The following NEO1 variants were observed in gnomAD, a reference collection of about 807,000 sequenced individuals.
NEO1 encodes the protein neogenin.
A neutral mutation model predicts 159.7 loss-of-function variants in NEO1; 63 were observed. The ratio of observed to expected loss-of-function variants is 0.39; its 90% CI spans 0.32 to 0.49. The LOEUF is 0.49. Ranked by LOEUF, NEO1 falls within the 20% of genes least tolerant of loss-of-function variation. The pLI, the probability that NEO1 is intolerant of heterozygous loss-of-function variation, is 0.85. For synonymous variants in NEO1, 633 were observed against 662.0 expected (o/e 0.96, Z 0.67); for missense variants, 1,615 against 1,831.0 (o/e 0.88, Z 2.15).
intron 9 of NEO1, among the ~76,000 whole-genome samples, chr15:73,248,621 G>C (rs2039920080): frequency 6.6e-6 from 1 of 152,152 alleles, no homozygotes; most frequent in South Asian, 2.1e-4. Flanking sequence ...TTCTGTTTTT[G>C]TTATAACCGT....
At chr15:73,160,424 T>TG (rs2034090531) in intron 5 of NEO1, among the ~76,000 whole-genome samples, 1 of 152,196 alleles carries the variant, frequency 6.6e-6, no homozygotes, top group South Asian at 2.1e-4. Flanking sequence ...TGTATATTCT[T>TG]GCCTCCTCAC....
At chr15:73,112,865 CAT>C (rs1211054027) in intron 1 of NEO1, among the ~76,000 whole-genome samples, 3 of 152,240 alleles carry the variant, frequency 2.0e-5, no homozygotes, top group East Asian at 3.9e-4. Flanking sequence ...TACATAGAAA[CAT>C]GTGCTTTTAC....
intron 5 of NEO1, among the ~76,000 whole-genome samples, chr15:73,168,375 G>A (rs966371515): frequency 3.9e-5 from 2 of 51,892 alleles, no homozygotes; most frequent in African/African-American, 1.3e-4. Flanking sequence ...GTAGAGACGG[G>A]GGGTGGGGGG....
chr15:73,061,400 A>T (rs1262503686), intron 1 of NEO1, among the ~76,000 whole-genome samples: 1 of 152,024 alleles, frequency 6.6e-6, no homozygotes, highest in African/African-American at 2.4e-5. Flanking sequence ...TGTCTGGGAG[A>T]TAGATCTTCC....
chr15:73,149,677 T>C (rs2033218378), intron 5 of NEO1, among the ~76,000 whole-genome samples: 1 of 152,234 alleles, frequency 6.6e-6, no homozygotes, highest in Non-Finnish European at 1.5e-5. Context: ...ACATTATGAA[T>C]TAGAAATGAT....
At chr15:73,109,986 GA>G (rs1396884445) in intron 1 of NEO1, among the ~76,000 whole-genome samples, 1 of 152,106 alleles carries the variant, frequency 6.6e-6, no homozygotes, top group Non-Finnish European at 1.5e-5. Flanking sequence ...AAGCAGGGTG[GA>G]AAATGTTTGT....
chr15:73,146,820 C>T (rs1045736850), intron 5 of NEO1, among the ~76,000 whole-genome samples: 2 of 152,088 alleles, frequency 1.3e-5, no homozygotes, highest in African/African-American at 4.8e-5. Context: ...ATAGAAGAGC[C>T]GTTCAAAGAC....
Position 73,270,057 on chromosome 15 carries a change from G to T in NEO1, c.2542G>T (p.Val848Leu). 6.2e-7 allele frequency: 1 copy of T among 1,614,064 alleles called. No individual in the cohort carries two copies. The highest frequency in any genetic ancestry group is 8.5e-7 in the Non-Finnish European group (1 of 1,180,034). The change falls in exon 17 of 29, where the codon GTG (valine) becomes TTG (leucine). Residue 848 changes from valine to leucine, a missense_variant. Transcript: ENST00000261908. Reference sequence around the variant, plus strand: ...TGTTATTAATGCTCCATACACTCCAGTGCCAGATCCCACTCCCATGATGCC... The same window carrying T: ...TGTTATTAATGCTCCATACACTCCATTGCCAGATCCCACTCCCATGATGCC... ...LFVINAPYTP[V>L]PDPTPMMPPV...
rs558579827 is a variant in NEO1, at chr15:73,279,935, T to C, written c.3262+1736T>C. Among the ~76,000 whole-genome samples, 28 of 152,250 alleles carry C rather than the reference T, an allele frequency of 1.8e-4. No individual in the cohort carries two copies. In the South Asian group the frequency reaches 5.6e-3, roughly 30 times the overall value. The stretch of plus-strand genomic sequence containing the variant: ...ATAGAGATTGAGTTGAAAATGCAGG[T>C]TGGAATCAGCCTGTCAAAAACTCAA... On this transcript the variant is annotated intron_variant, in intron 22 of 28. Coordinates refer to ENST00000261908, the MANE Select transcript of NEO1 (RefSeq NM_002499.4).
At chr15:73,190,533 T>G (rs1357597247) in intron 7 of NEO1, among the ~76,000 whole-genome samples, 1 of 152,128 alleles carries the variant, frequency 6.6e-6, no homozygotes, top group Non-Finnish European at 1.5e-5. Flanking sequence ...AAATAGTATC[T>G]GAGGTTAGCA....
At chr15:73,066,489 G>A (rs1466888511) in intron 1 of NEO1, among the ~76,000 whole-genome samples, 1 of 151,910 alleles carries the variant, frequency 6.6e-6, no homozygotes, top group Non-Finnish European at 1.5e-5. Context: ...GTTCTTAGTT[G>A]TGATTGAATG....
intron 1 of NEO1, among the ~76,000 whole-genome samples, chr15:73,112,918 A>C (rs1243522808): frequency 6.6e-6 from 1 of 152,094 alleles, no homozygotes; most frequent in African/African-American, 2.4e-5. Flanking sequence ...TTTTTTTCCC[A>C]TATGGATAAC....
chr15:73,197,487 T>C (rs1260452732), intron 7 of NEO1, among the ~76,000 whole-genome samples: 1 of 152,168 alleles, frequency 6.6e-6, no homozygotes, highest in Admixed American at 6.5e-5. Context: ...ACCTTCCTGG[T>C]CAATTACTCC....
At position 73,116,782 on chromosome 15, in the gene NEO1, G is replaced by A; in HGVS notation, c.373G>A (p.Gly125Ser). Residue 125 changes from glycine (G) to serine (S), a missense_variant, in exon 2 of 29, where the codon GGT becomes AGT. Transcript: ENST00000261908. ...TTCCAAACACAATAAACCTGATGAA[G>A]GTTATTATCAGTGTGTGGCCACTGT... ...VHSKHNKPDE[G>S]YYQCVATVES... The A allele has an allele frequency of 1.2e-6, 2 of 1,613,470 alleles. No homozygotes were observed. Among genetic ancestry groups the A allele is most frequent in the Non-Finnish European group, 8.5e-7 (1 of 1,179,750 alleles).
intron 27 of NEO1, among the ~76,000 whole-genome samples, chr15:73,300,965 TA>T (rs1197891277): frequency 1.2e-4 from 19 of 152,232 alleles, no homozygotes; most frequent in Admixed American, 5.2e-4. Flanking sequence ...GCTCACCCAC[TA>T]TTGCCTTTGT....
chr15:73,236,385 G>C lies in NEO1; in HGVS notation c.1330G>C (p.Asp444His), dbSNP rs1305559633. 6.2e-7 allele frequency: 1 copy of C among 1,614,034 alleles called. No individual in the cohort carries two copies. Among genetic ancestry groups the C allele is most frequent in the Non-Finnish European group, 8.5e-7 (1 of 1,180,022 alleles). Residue 444 changes from aspartate (D) to histidine (H), a missense_variant, in exon 8 of 29, where the codon GAT becomes CAT. By Grantham distance (81) the Asp-to-His change is moderately conservative. Around this residue, in one of 3 missense-constraint regions of NEO1, gnomAD observed 1,018 missense variants for 1,115.4 expected, o/e 0.91. Coordinates refer to ENST00000261908, the MANE Select transcript of NEO1 (RefSeq NM_002499.4). ...TTGPLPSAPR[D>H]VVASLVSTRF... ...GGGACCACTGCCTTCAGCTCCTCGG[G>C]ATGTCGTGGCCTCCCTGGTCTCTAC...
At chr15:73,102,002 T>C (rs2151513924) in intron 1 of NEO1, among the ~76,000 whole-genome samples, 1 of 152,350 alleles carries the variant, frequency 6.6e-6, no homozygotes, top group African/African-American at 2.4e-5. Flanking sequence ...TGTGGACTGA[T>C]AGCATCTTTG....
chr15:73,198,261 C>G (rs139284388), intron 7 of NEO1, among the ~76,000 whole-genome samples: 1,643 of 152,210 alleles, frequency 0.011, 39 homozygotes, highest in African/African-American at 0.038. Flanking sequence ...TGCCCTGTTT[C>G]TCATATACTG....
In NEO1 at chr15:73,302,925, A is replaced by T; in HGVS notation, c.*229A>T. On this transcript the variant is annotated 3_prime_UTR_variant, in exon 29 of 29. Transcript: ENST00000261908. ...AGGCAGCTTCCCTTTGCCTGCTGAT[A>T]TTCTGCAGGACTGGGCACCATGGGC... 1 of 500,138 alleles carries T rather than the reference A, an allele frequency of 2.0e-6. No homozygotes were observed. The highest frequency in any genetic ancestry group is 3.6e-6 in the Non-Finnish European group (1 of 274,844). The allele number at this position is 500,138 out of a possible 1,614,324, so 31.0% of individuals were successfully genotyped here. A position where few individuals can be genotyped will look rare whatever the true frequency, so the allele number is the denominator to read the frequency against.
Sources: gnomAD v4.1 joint callset for allele counts (sites outside exome capture counted in the v4.1 genomes callset) on GRCh38, gnomAD v4.1.1 for gene constraint, gnomAD v4.1.1 regional missense constraint, MANE v1.5 for transcripts, NCBI Gene and HGNC (gene_info 2026-07-23, HGNC 2026-07-21) for gene names.